The following ETFDH variants were observed in gnomAD, a reference collection of about 807,000 sequenced individuals.
ETFDH encodes electron transfer flavoprotein-ubiquinone oxidoreductase, mitochondrial.
Under a neutral mutation model 73.2 loss-of-function variants are expected in ETFDH, and 61 were observed. That is an observed-to-expected ratio of 0.83 (90% CI 0.68 to 1.03). ETFDH has a LOEUF of 1.03. Ranked by LOEUF, ETFDH falls within the 50% of genes least tolerant of loss-of-function variation. The pLI, the probability that ETFDH is intolerant of heterozygous loss-of-function variation, is 0.00. For missense variants in ETFDH, 685 were observed against 745.0 expected (o/e 0.92, Z 0.94); for synonymous variants, 243 against 253.3 (o/e 0.96, Z 0.39).
At chr4:158,692,890 C>A (rs13150442) in intron 6 of ETFDH, among the ~76,000 whole-genome samples, 1,981 of 89,606 alleles carry the variant, frequency 0.022, 56 homozygotes, top group African/African-American at 0.062. Flanking sequence ...AAAAAAAAAA[C>A]ATATATATAT....
Position 158,695,614 on chromosome 4 carries a change from C to T in ETFDH, c.802C>T (p.Pro268Ser). The T allele has an allele frequency of 6.2e-7, 1 of 1,611,372 alleles. No homozygotes were observed. The highest frequency in any genetic ancestry group is 8.5e-7 in the Non-Finnish European group (1 of 1,177,560). Residue 268 changes from proline to serine, a missense_variant, in exon 7 of 13, where the codon CCT (proline) becomes TCT (serine). By Grantham distance (74) the Pro-to-Ser change is moderately conservative. This residue lies in a region of ETFDH where 405 missense variants were observed against 399.3 expected (regional missense o/e 1.01). Coordinates refer to ENST00000511912, the MANE Select transcript of ETFDH (RefSeq NM_004453.4). ...GTTTGATTTGAGAGCAAATTGTGAACCTCAAACCTACGGGATTGGACTGAA... is the reference window on the plus strand; with the variant it reads ...GTTTGATTTGAGAGCAAATTGTGAATCTCAAACCTACGGGATTGGACTGAA... The part of the protein sequence containing the change: ...KKFDLRANCE[P>S]QTYGIGLKEL...
At chr4:158,681,669 T>C (rs1401679356) in intron 2 of ETFDH, 2 of 157,486 alleles carry the variant, frequency 1.3e-5, no homozygotes, top group East Asian at 1.8e-4. Context: ...GTATTTTTGC[T>C]GTACTTTTTC....
At position 158,709,489 on chromosome 4, in the gene ETFDH, G is replaced by A. The variant is rs17843962; in HGVS notation, c.*962G>A. 6.0e-4 allele frequency: 167 copies of A among 276,340 alleles called. No homozygotes were observed. Among genetic ancestry groups the A allele is most frequent in the African/African-American group, 3.4e-3 (153 of 45,234 alleles). The allele number at this position is 276,340 out of a possible 1,614,324, so 17.1% of individuals were successfully genotyped here. ...AGAGGATGCAGTGAGCCGAGATTGC[G>A]CCACCGCACTCCAGCCTGGGTGACA... On this transcript the variant is annotated 3_prime_UTR_variant, in exon 13 of 13. Transcript: ENST00000511912.
At chr4:158,691,008 T>G (rs961535804) in intron 6 of ETFDH, among the ~76,000 whole-genome samples, 1 of 152,144 alleles carries the variant, frequency 6.6e-6, no homozygotes, top group Non-Finnish European at 1.5e-5. Context: ...CTAACAATGG[T>G]TTAGGCAAGT....
intron 1 of ETFDH, among the ~76,000 whole-genome samples, chr4:158,673,824 C>G (rs1773644920): frequency 6.6e-6 from 1 of 152,144 alleles, no homozygotes; most frequent in Non-Finnish European, 1.5e-5. Flanking sequence ...TTTTCGTAGC[C>G]TGCTGGCATG....
chr4:158,679,608 G>T (rs748114388), intron 1 of ETFDH: 3 of 152,160 alleles, frequency 2.0e-5, no homozygotes, highest in Non-Finnish European at 4.4e-5. Flanking sequence ...TATGAGGTTT[G>T]ATGCTAGGGT....
In ETFDH at chr4:158,677,924, C is replaced by T. The variant is rs551703568; in HGVS notation, c.35-2543C>T. ...GTTTACACAAGGTCACAAAGATTTACACTCATGTCTTCAAAGAGTTTTATG... is the reference window on the plus strand; with the variant it reads ...GTTTACACAAGGTCACAAAGATTTATACTCATGTCTTCAAAGAGTTTTATG... On this transcript the variant is annotated intron_variant, in intron 1 of 12. Coordinates refer to ENST00000511912, the MANE Select transcript of ETFDH (RefSeq NM_004453.4). 5.2e-4 allele frequency among the ~76,000 whole-genome samples: 79 copies of T among 152,306 alleles called. 1 individual carries two copies. Among genetic ancestry groups the T allele is most frequent in the African/African-American group, 1.9e-3 (78 of 41,576 alleles).
intron 1 of ETFDH, among the ~76,000 whole-genome samples, chr4:158,677,106 T>G (rs1304923045): frequency 1.3e-5 from 2 of 152,220 alleles, no homozygotes; most frequent in Non-Finnish European, 2.9e-5. Context: ...TGTTTTTGGT[T>G]GTTCTATCAA....
intron 5 of ETFDH, among the ~76,000 whole-genome samples, chr4:158,689,595 CATATATATATATATATATAT>C (rs573706904): frequency 3.1e-4 from 10 of 32,766 alleles, no homozygotes; most frequent in Non-Finnish European, 4.9e-4. Flanking sequence ...ATAAAACCTT[CATATATATATATATATATAT>C]ATATATATAT....
intron 1 of ETFDH, among the ~76,000 whole-genome samples, chr4:158,675,896 G>A (rs947788649): frequency 1.3e-5 from 2 of 152,114 alleles, no homozygotes; most frequent in African/African-American, 4.8e-5. Context: ...ACCTTTTGAG[G>A]AACTGCCAGA....
At chr4:158,704,805 C>A (rs143776956) in intron 10 of ETFDH, among the ~76,000 whole-genome samples, 116 of 152,202 alleles carry the variant, frequency 7.6e-4, no homozygotes, top group African/African-American at 2.7e-3. Flanking sequence ...GCCTTCAAAT[C>A]TTTGTAGGAA....
intron 12 of ETFDH, 33 bp downstream of exon 12, chr4:158,706,883 T>C: frequency 7.4e-7 from 1 of 1,360,094 alleles, no homozygotes; most frequent in Non-Finnish European, 1.1e-6. Context: ...AAATATTTGC[T>C]TTAAACATTT....
intron 11 of ETFDH, 75 bp downstream of exon 11, chr4:158,706,446 T>C: frequency 7.8e-7 from 1 of 1,288,086 alleles, no homozygotes. Flanking sequence ...GAGAAAGTGA[T>C]TGTTTTAATG....
intron 6 of ETFDH, among the ~76,000 whole-genome samples, chr4:158,693,035 TA>T (rs1004678899): frequency 3.3e-5 from 5 of 152,056 alleles, no homozygotes; most frequent in African/African-American, 1.2e-4. Flanking sequence ...TCTAAGTTTT[TA>T]AAAATAGTAC....
In ETFDH at chr4:158,708,480, T is replaced by C. The variant is rs1561252786; in HGVS notation, c.1807T>C (p.Trp603Arg). Residue 603 changes from tryptophan (W) to arginine (R), a missense_variant, in exon 13 of 13, where the codon TGG (tryptophan) becomes CGG (arginine). Transcript: ENST00000511912. Reference sequence around the variant, plus strand: ...TAAAGATCCAAGTCAGAATATTAACTGGGTGGTACCTGAAGGTGGAGGAGG... The same window carrying C: ...TAAAGATCCAAGTCAGAATATTAACCGGGTGGTACCTGAAGGTGGAGGAGG... ...DIKDPSQNIN[W>R]VVPEGGGGPA... The C allele has an allele frequency of 6.2e-7, 1 of 1,613,566 alleles. No homozygotes were observed. Among genetic ancestry groups the C allele is most frequent in the Admixed American group, 1.7e-5 (1 of 60,012 alleles).
At chr4:158,682,149 TG>T (rs1355238742) in intron 2 of ETFDH, 45 bp from the exon 3 acceptor site, 1 of 1,611,384 alleles carries the variant, frequency 6.2e-7, no homozygotes. Flanking sequence ...TGATTTATCA[TG>T]TGATTATTGG....
intron 7 of ETFDH, among the ~76,000 whole-genome samples, chr4:158,696,946 G>A (rs1774322708): frequency 6.6e-6 from 1 of 152,100 alleles, no homozygotes; most frequent in Non-Finnish European, 1.5e-5. Flanking sequence ...TCCTATAATT[G>A]TATAAAAGTC....
At chr4:158,694,328 C>A (rs1332663252) in intron 6 of ETFDH, among the ~76,000 whole-genome samples, 1 of 152,144 alleles carries the variant, frequency 6.6e-6, no homozygotes, top group Admixed American at 6.5e-5. Flanking sequence ...CACCATGGCT[C>A]ACACTTGTAA....
At chr4:158,679,447 T>C (rs919557126) in intron 1 of ETFDH, 2 of 152,170 alleles carry the variant, frequency 1.3e-5, no homozygotes, top group African/African-American at 4.8e-5. Flanking sequence ...ATAGTCTGTT[T>C]CACTATATTC....
Sources: allele counts gnomAD v4.1 joint callset (sites outside exome capture counted in the v4.1 genomes callset), GRCh38; gene constraint gnomAD v4.1.1; regional missense constraint gnomAD v4.1.1; transcripts MANE v1.5; gene names NCBI Gene and HGNC (gene_info 2026-07-23, HGNC 2026-07-21).